The following PDE11A variants were observed in gnomAD, a reference collection of about 807,000 sequenced individuals.
PDE11A encodes phosphodiesterase 11A, also known as dual 3',5'-cyclic-AMP and -GMP phosphodiesterase 11A.
PDE11A carries 100 observed loss-of-function variants against 100.5 expected under a neutral mutation model. That is an observed-to-expected ratio of 1.00 (90% confidence interval 0.85 to 1.18). PDE11A has a LOEUF of 1.18. Ranked by LOEUF, PDE11A falls within the 50% of genes most tolerant of loss-of-function variation. The pLI is 0.00. For missense variants in PDE11A, 1,141 were observed against 1,152.6 expected (o/e 0.99, Z 0.15); for synonymous variants, 381 against 420.8 (o/e 0.91, Z 1.16).
chr2:177,725,549 CAAAA>C (rs78880506), intron 12 of PDE11A, among the ~76,000 whole-genome samples: 53 of 152,080 alleles, frequency 3.5e-4, no homozygotes, highest in African/African-American at 1.3e-3. Context: ...AGCATGAATG[CAAAA>C]AAACAAAACC....
chr2:177,937,860 G>A (rs1451043321), intron 2 of PDE11A, among the ~76,000 whole-genome samples: 1 of 152,102 alleles, frequency 6.6e-6, no homozygotes, highest in Non-Finnish European at 1.5e-5. Flanking sequence ...TAGAGAAAAA[G>A]GCTATAGATT....
At chr2:177,854,973 C>G (rs2083805063) in intron 5 of PDE11A, among the ~76,000 whole-genome samples, 1 of 152,096 alleles carries the variant, frequency 6.6e-6, no homozygotes, top group African/African-American at 2.4e-5. Context: ...AGTTACATAG[C>G]AACACAAATC....
chr2:177,998,188 T>A, intron 2 of PDE11A: 1 of 873,200 alleles, frequency 1.1e-6, no homozygotes, highest in Non-Finnish European at 2.0e-6. Flanking sequence ...CAGTAATTCA[T>A]GAATAGAACA....
At position 177,629,273 on chromosome 2, in the gene PDE11A, G is replaced by C. The variant is rs1040348059; in HGVS notation, c.*134C>G. 10 of 827,956 alleles carry C rather than the reference G, an allele frequency of 1.2e-5. No homozygotes were observed. The African/African-American group carries it at 1.3e-4, about 11-fold the overall frequency. The allele number at this position is 827,956 out of a possible 1,614,324, so 51.3% of individuals were successfully genotyped here. ...CTGCTGACCATGCTTCAAGGTGAAA[G>C]CCCAGGCATGCTTCCCAGTGCATCC... On this transcript the variant is annotated 3_prime_UTR_variant, in exon 20 of 20. Coordinates refer to ENST00000286063, the MANE Select transcript of PDE11A (RefSeq NM_016953.4).
intron 6 of PDE11A, among the ~76,000 whole-genome samples, chr2:177,835,753 G>A (rs989560317): frequency 1.3e-5 from 2 of 152,184 alleles, no homozygotes; most frequent in Non-Finnish European, 2.9e-5. Flanking sequence ...GGCTCCGCGG[G>A]CCCTGCATTC....
At chr2:177,866,485 C>T (rs1280629205) in intron 5 of PDE11A, among the ~76,000 whole-genome samples, 1 of 152,234 alleles carries the variant, frequency 6.6e-6, no homozygotes, top group African/African-American at 2.4e-5. Flanking sequence ...ACTGCTGATC[C>T]TGCTCTCTTT....
rs915619483 is a variant in PDE11A at position 177,981,611 on chromosome 2, A to G, written c.1071+32691T>C. Among the ~76,000 whole-genome samples the G allele has an allele frequency of 2.7e-5, 4 of 150,642 alleles. 1 individual carries two copies. The highest frequency in any genetic ancestry group is 4.5e-5 in the Non-Finnish European group (3 of 67,216). On this transcript the variant is annotated intron_variant, in intron 2 of 19. Coordinates refer to ENST00000286063, the MANE Select transcript of PDE11A (RefSeq NM_016953.4). Reference sequence around the variant, plus strand: ...ACCCTAATGAACTCATTTTGACTTGATTACCTCTGTAAAGACCCTCTTTCC... The same window carrying G: ...ACCCTAATGAACTCATTTTGACTTGGTTACCTCTGTAAAGACCCTCTTTCC...
intron 1 of PDE11A, among the ~76,000 whole-genome samples, chr2:178,039,370 G>T (rs896719760): frequency 4.6e-5 from 7 of 152,238 alleles, no homozygotes; most frequent in East Asian, 1.9e-4. Context: ...AGACATTGGG[G>T]TCTACTTAAG....
intron 1 of PDE11A, among the ~76,000 whole-genome samples, chr2:178,033,211 T>A (rs1488735380): frequency 6.6e-6 from 1 of 152,132 alleles, no homozygotes; most frequent in East Asian, 1.9e-4. Context: ...ATAAATGACC[T>A]ATTGGAGCTG....
At chr2:177,779,316 C>T (rs1024524919) in intron 9 of PDE11A, among the ~76,000 whole-genome samples, 3 of 152,124 alleles carry the variant, frequency 2.0e-5, no homozygotes, top group Non-Finnish European at 4.4e-5. Flanking sequence ...TAGATCAGTG[C>T]GGTGGTTGCT....
intron 13 of PDE11A, among the ~76,000 whole-genome samples, chr2:177,705,230 G>GA (rs3056940): frequency 0.12 from 18,133 of 150,498 alleles, 3,468 homozygotes; most frequent in African/African-American, 0.41. Context: ...CATAAAATAT[G>GA]AAAAAAAAAC....
At chr2:178,062,336 G>GAAAA (rs11333080) in intron 1 of PDE11A, among the ~76,000 whole-genome samples, 2 of 101,684 alleles carry the variant, frequency 2.0e-5, no homozygotes, top group Admixed American at 1.1e-4. Context: ...CCTGAAGACA[G>GAAAA]AAAAAAAAAA....
chr2:177,774,982 A>G (rs144587313), intron 9 of PDE11A, among the ~76,000 whole-genome samples: 87 of 152,292 alleles, frequency 5.7e-4, no homozygotes, highest in African/African-American at 1.9e-3. Context: ...TTATAAGTGA[A>G]AGAAGGAGAC....
chr2:177,668,558 A>T (rs1220649925), intron 18 of PDE11A, among the ~76,000 whole-genome samples: 1 of 152,216 alleles, frequency 6.6e-6, no homozygotes. Flanking sequence ...AATTAAGAAT[A>T]TTCAAAATTA....
rs1413934993 is a variant in PDE11A, at chr2:177,680,829, A to AAT, written c.2418_2419dup (p.Phe807TyrfsTer6). The AAT allele has an allele frequency of 6.4e-7, 1 of 1,556,140 alleles. No homozygotes were observed. The stretch of plus-strand genomic sequence containing the variant: ...ATAAACAAGAGCTTTTTCTTACCGA[A>AAT]ATATATCACGATGGTTTTTGATGTT... On this transcript the variant is annotated frameshift_variant, in exon 16 of 20. Coordinates refer to ENST00000286063, the MANE Select transcript of PDE11A (RefSeq NM_016953.4). LOFTEE classifies it high-confidence loss of function.
intron 19 of PDE11A, among the ~76,000 whole-genome samples, chr2:177,643,076 G>T (rs933601833): frequency 6.6e-6 from 1 of 152,144 alleles, no homozygotes; most frequent in Admixed American, 6.6e-5. Context: ...AAATCACCCA[G>T]TCTTGGGTAT....
intron 15 of PDE11A, among the ~76,000 whole-genome samples, chr2:177,696,966 A>G (rs2081120603): frequency 6.6e-6 from 1 of 152,236 alleles, no homozygotes; most frequent in Non-Finnish European, 1.5e-5. Context: ...TCCATCACTG[A>G]ATATTTTTCA....
chr2:177,636,721 T>C (rs1214697360), intron 19 of PDE11A, among the ~76,000 whole-genome samples: 1 of 152,192 alleles, frequency 6.6e-6, no homozygotes, highest in Non-Finnish European at 1.5e-5. Flanking sequence ...GATAATTCTT[T>C]ATGGTGGGGG....
intron 5 of PDE11A, among the ~76,000 whole-genome samples, chr2:177,864,619 A>G (rs1249378110): frequency 1.3e-5 from 2 of 152,184 alleles, no homozygotes; most frequent in Non-Finnish European, 2.9e-5. Context: ...AAAAACAAAG[A>G]GACAAATTGC....
Sources: gnomAD v4.1 joint callset for allele counts (sites outside exome capture counted in the v4.1 genomes callset) on GRCh38, gnomAD v4.1.1 for gene constraint, MANE v1.5 for transcripts, NCBI Gene and HGNC (gene_info 2026-07-23, HGNC 2026-07-21) for gene names.